PPP3CC: variants seen among roughly 807,000 people sequenced by gnomAD.
PPP3CC encodes protein phosphatase 3 catalytic subunit gamma.
A neutral mutation model predicts 60.3 loss-of-function variants in PPP3CC; 35 were observed. That is an observed-to-expected ratio of 0.58 (90% CI 0.44 to 0.77). The LOEUF is 0.77. Among genes scored for constraint, PPP3CC ranks in the 30% least tolerant of loss-of-function variants. PPP3CC has a pLI of 0.00. For missense variants in PPP3CC, 570 were observed against 628.9 expected, an observed-to-expected ratio of 0.91 and a Z score of 1.00; for synonymous variants, 206 against 224.3, an observed-to-expected ratio of 0.92 and a Z score of 0.73.
chr8:22,467,473 G>A (rs971216099), intron 1 of PPP3CC, among the ~76,000 whole-genome samples: 1 of 152,092 alleles, frequency 6.6e-6, no homozygotes, highest in Non-Finnish European at 1.5e-5. Context: ...ACAGAGCATT[G>A]CTCTGTCGCC....
At chr8:22,487,927 A>T (rs925483800) in intron 3 of PPP3CC, among the ~76,000 whole-genome samples, 3 of 152,210 alleles carry the variant, frequency 2.0e-5, no homozygotes, top group African/African-American at 7.2e-5. Flanking sequence ...GGTTGAACAG[A>T]TCTCTTGATA....
intron 12 of PPP3CC, among the ~76,000 whole-genome samples, chr8:22,538,352 T>C (rs1202179292): frequency 6.6e-6 from 1 of 152,240 alleles, no homozygotes; most frequent in African/African-American, 2.4e-5. Flanking sequence ...CAAGGGTATT[T>C]GTTCTACTTA....
intron 4 of PPP3CC, among the ~76,000 whole-genome samples, chr8:22,506,812 G>C (rs1173141314): frequency 1.3e-5 from 2 of 151,908 alleles, no homozygotes; most frequent in African/African-American, 4.8e-5. Context: ...TGTGGTGGTG[G>C]GTGCCTGTAG....
chr8:22,441,367 A>G lies in PPP3CC; in HGVS notation c.-43A>G, dbSNP rs138062897. The G allele has an allele frequency of 3.9e-4, 590 of 1,512,252 alleles. 4 individuals carry two copies. In the East Asian group the frequency reaches 0.012, roughly 32 times the overall value. The allele number at this position is 1,512,252 out of a possible 1,614,324, so 93.7% of individuals were successfully genotyped here. A position where few individuals can be genotyped will look rare whatever the true frequency, so the allele number is the denominator to read the frequency against. Reference sequence around the variant, plus strand: ...AAGGCGGCGGCCGCGGCGTAGGCGCACGTCCGGCGGGCTCCTGGAGCCTGG... The same window carrying G: ...AAGGCGGCGGCCGCGGCGTAGGCGCGCGTCCGGCGGGCTCCTGGAGCCTGG... On this transcript the variant is annotated 5_prime_UTR_variant, in exon 1 of 14. Coordinates refer to ENST00000240139, the MANE Select transcript of PPP3CC (RefSeq NM_005605.5).
chr8:22,481,398 C>T (rs1014022945), intron 3 of PPP3CC, among the ~76,000 whole-genome samples: 3 of 148,822 alleles, frequency 2.0e-5, no homozygotes, highest in African/African-American at 7.5e-5. Flanking sequence ...ATTCATTCAG[C>T]CAGTGATAAA....
At chr8:22,449,422 A>G (rs924977277) in intron 1 of PPP3CC, among the ~76,000 whole-genome samples, 12 of 130,296 alleles carry the variant, frequency 9.2e-5, no homozygotes, top group Non-Finnish European at 1.2e-4. Flanking sequence ...GCCACACTCC[A>G]GCCTGGGTGA....
intron 3 of PPP3CC, among the ~76,000 whole-genome samples, chr8:22,486,739 T>C (rs900463508): frequency 6.6e-6 from 1 of 151,536 alleles, no homozygotes; most frequent in Non-Finnish European, 1.5e-5. Context: ...TTTGTTTTTT[T>C]TTTTTTTTGG....
At chr8:22,525,141 C>T (rs1839504849) in intron 8 of PPP3CC, among the ~76,000 whole-genome samples, 1 of 120,838 alleles carries the variant, frequency 8.3e-6, no homozygotes, top group South Asian at 2.9e-4. Flanking sequence ...TAGAGCAAGA[C>T]CCTGTCTCTA....
intron 6 of PPP3CC, among the ~76,000 whole-genome samples, chr8:22,515,315 A>G (rs143064387): frequency 6.6e-6 from 1 of 152,312 alleles, no homozygotes; most frequent in Non-Finnish European, 1.5e-5. Flanking sequence ...ATTCTTTTCA[A>G]TGGCTGAATA....
chr8:22,487,470 A>G lies in PPP3CC; in HGVS notation c.373-10531A>G, dbSNP rs139387258. On this transcript the variant is annotated intron_variant, in intron 3 of 13. Transcript: ENST00000240139. ...AAAACCCTGTCTCTACTAAAAATAC[A>G]ACAAATTAACCAGGCGTGGTGGCGT... is the stretch of plus-strand genomic sequence containing the variant. Among the ~76,000 whole-genome samples the G allele has an allele frequency of 3.2e-3, 491 of 152,162 alleles. 3 individuals are homozygous for G. The highest frequency in any genetic ancestry group is 0.011 in the African/African-American group (466 of 41,520).
intron 3 of PPP3CC, among the ~76,000 whole-genome samples, chr8:22,476,803 G>A (rs755086678): frequency 3.3e-5 from 5 of 151,908 alleles, no homozygotes; most frequent in Non-Finnish European, 7.4e-5. Flanking sequence ...GTGTAGGCAG[G>A]CACCTGTAGT....
At chr8:22,507,739 T>C (rs1291528446) in intron 4 of PPP3CC, among the ~76,000 whole-genome samples, 2 of 152,148 alleles carry the variant, frequency 1.3e-5, no homozygotes, top group Admixed American at 1.3e-4. Context: ...GAATCTACTG[T>C]TTAGGGTGTT....
chr8:22,496,462 G>T (rs1184526004), intron 3 of PPP3CC, among the ~76,000 whole-genome samples: 1 of 117,136 alleles, frequency 8.5e-6, no homozygotes, highest in African/African-American at 3.0e-5. Flanking sequence ...TGACTTATAA[G>T]TTAAATTAGG....
intron 3 of PPP3CC, among the ~76,000 whole-genome samples, chr8:22,486,787 T>C (rs1425327223): frequency 5.3e-5 from 8 of 151,282 alleles, no homozygotes; most frequent in Non-Finnish European, 1.0e-4. Flanking sequence ...TGGAGTACAG[T>C]GGCACCATCT....
chr8:22,516,651 C>A (rs548413972), intron 6 of PPP3CC, among the ~76,000 whole-genome samples: 1 of 152,182 alleles, frequency 6.6e-6, no homozygotes, highest in African/African-American at 2.4e-5. Flanking sequence ...TGAGGTTGAA[C>A]AAAATGATGC....
chr8:22,486,772 C>G (rs1022338323), intron 3 of PPP3CC, among the ~76,000 whole-genome samples: 8 of 150,980 alleles, frequency 5.3e-5, no homozygotes, highest in African/African-American at 2.0e-4. Context: ...CTCTGTTGCC[C>G]AGGCTGGAGT....
intron 6 of PPP3CC, among the ~76,000 whole-genome samples, chr8:22,518,556 T>G (rs1839315322): frequency 6.6e-6 from 1 of 152,208 alleles, no homozygotes; most frequent in South Asian, 2.1e-4. Flanking sequence ...CTTCTGTTAT[T>G]TGGCAAAAAG....
chr8:22,452,761 G>A (rs1294369752), intron 1 of PPP3CC, among the ~76,000 whole-genome samples: 2 of 152,190 alleles, frequency 1.3e-5, no homozygotes, highest in South Asian at 2.1e-4. Flanking sequence ...GCAGTGGCAA[G>A]CACATAGTGA....
chr8:22,528,414 A>T, intron 9 of PPP3CC, 92 bp from the exon 10 acceptor site: 2 of 754,692 alleles, frequency 2.7e-6, no homozygotes, highest in Non-Finnish European at 4.0e-6. Flanking sequence ...GCTTATGCTT[A>T]CTTAACATGT....
Sources: allele counts gnomAD v4.1 joint callset (sites outside exome capture counted in the v4.1 genomes callset), GRCh38; gene constraint gnomAD v4.1.1; transcripts MANE v1.5; gene names NCBI Gene and HGNC (gene_info 2026-07-23, HGNC 2026-07-21).